The following RPAP2 variants were observed in gnomAD, a reference collection of about 807,000 sequenced individuals.
RPAP2 encodes the protein putative RNA polymerase II subunit B1 CTD phosphatase RPAP2.
A neutral mutation model predicts 73.1 loss-of-function variants in RPAP2; 52 were observed. The observed-to-expected ratio is 0.71, with a 90% CI of 0.57 to 0.90. RPAP2 has a LOEUF of 0.90. Ranked by LOEUF, RPAP2 falls within the 40% of genes least tolerant of loss-of-function variation. RPAP2 has a pLI of 0.00. For missense variants in RPAP2, 598 were observed against 701.8 expected, an observed-to-expected ratio of 0.85 and a Z score of 1.67; for synonymous variants, 225 against 242.1, an observed-to-expected ratio of 0.93 and a Z score of 0.65.
intron 10 of RPAP2, among the ~76,000 whole-genome samples, chr1:92,337,811 C>G (rs963379835): frequency 6.6e-6 from 1 of 152,074 alleles, no homozygotes; most frequent in African/African-American, 2.4e-5. Flanking sequence ...AATTCCCCAA[C>G]AGAAATTTAA....
Position 92,351,751 on chromosome 1 carries a change from G to A in RPAP2, c.1688+5837G>A, listed in dbSNP as rs576051457. On this transcript the variant is annotated intron_variant, in intron 11 of 12. Transcript: ENST00000610020. ...ATAGAAGGCTATCGAGAAGCAGCTT[G>A]ACTGGCCCGAGTTCCTTTATGTGCA... is the stretch of plus-strand genomic sequence containing the variant. Among the ~76,000 whole-genome samples the A allele has an allele frequency of 3.9e-5, 6 of 152,318 alleles. No homozygotes were observed. The East Asian group carries it at 9.6e-4, about 24-fold the overall frequency.
chr1:92,358,369 C>T (rs186687442), intron 11 of RPAP2, among the ~76,000 whole-genome samples: 1 of 152,230 alleles, frequency 6.6e-6, no homozygotes, highest in East Asian at 1.9e-4. Context: ...TGGTTAATTC[C>T]TCTTCATCTT....
At position 92,395,400 on chromosome 1, in the gene RPAP2, C is replaced by T. The variant is rs751597387; in HGVS notation, c.*8389C>T. 6.6e-6 allele frequency: 1 copy of T among 151,996 alleles called. No homozygotes were observed. Among genetic ancestry groups the T allele is most frequent in the African/African-American group, 2.4e-5 (1 of 41,386 alleles). The allele number at this position is 151,996 out of a possible 1,614,324, so 9.4% of individuals were successfully genotyped here. A position where few individuals can be genotyped will look rare whatever the true frequency, so the allele number is the denominator to read the frequency against. On this transcript the variant is annotated 3_prime_UTR_variant, in exon 13 of 13. Transcript: ENST00000610020. ...TCTGAAATCCCTGCACTTTCGGAAG[C>T]CAAGGAGGGTGGACCACTTGAGCTC... is the stretch of plus-strand genomic sequence containing the variant.
At chr1:92,376,967 T>C (rs567553701) in intron 11 of RPAP2, among the ~76,000 whole-genome samples, 16 of 152,168 alleles carry the variant, frequency 1.1e-4, no homozygotes, top group Non-Finnish European at 1.9e-4. Flanking sequence ...TCTCTGTACA[T>C]TTAAAGGAGA....
At chr1:92,350,592 T>C (rs1230841084) in intron 11 of RPAP2, among the ~76,000 whole-genome samples, 1 of 152,224 alleles carries the variant, frequency 6.6e-6, no homozygotes, top group Non-Finnish European at 1.5e-5. Context: ...TTAGGCTCTT[T>C]CCACAATCTT....
At chr1:92,321,855 T>C (rs1243352412) in intron 7 of RPAP2, among the ~76,000 whole-genome samples, 1 of 152,058 alleles carries the variant, frequency 6.6e-6, no homozygotes, top group Non-Finnish European at 1.5e-5. Flanking sequence ...TGTTTACCCA[T>C]TTATTTTTAT....
chr1:92,363,806 CA>C (rs771948489), intron 11 of RPAP2: 4 of 273,528 alleles, frequency 1.5e-5, no homozygotes, highest in South Asian at 3.9e-5. Flanking sequence ...ATTTGCTTAA[CA>C]TTTTTTTTCC....
chr1:92,372,463 A>G (rs1655195033), intron 11 of RPAP2, among the ~76,000 whole-genome samples: 1 of 152,224 alleles, frequency 6.6e-6, no homozygotes, highest in East Asian at 1.9e-4. Flanking sequence ...AGAGAATTTC[A>G]GTAACAAGTG....
At chr1:92,383,192 T>C (rs1304001881) in intron 12 of RPAP2, among the ~76,000 whole-genome samples, 1 of 152,136 alleles carries the variant, frequency 6.6e-6, no homozygotes, top group African/African-American at 2.4e-5. Flanking sequence ...TAGTTTGAAG[T>C]CAGGTAGCGT....
At chr1:92,374,771 A>G (rs1246049055) in intron 11 of RPAP2, among the ~76,000 whole-genome samples, 1 of 152,198 alleles carries the variant, frequency 6.6e-6, no homozygotes, top group Admixed American at 6.5e-5. Flanking sequence ...AGACTGGAAA[A>G]GCATGCAGGT....
intron 6 of RPAP2, among the ~76,000 whole-genome samples, chr1:92,311,254 TC>T (rs1338740357): frequency 2.6e-5 from 4 of 152,332 alleles, no homozygotes; most frequent in African/African-American, 9.6e-5. Context: ...GCATTCAACT[TC>T]CGAGTTCCCT....
At chr1:92,370,528 T>C (rs1248566388) in intron 11 of RPAP2, among the ~76,000 whole-genome samples, 2 of 152,178 alleles carry the variant, frequency 1.3e-5, no homozygotes, top group African/African-American at 4.8e-5. Flanking sequence ...ATTTAGATTA[T>C]ATATGAGAAA....
chr1:92,360,129 T>C (rs1011240479), intron 11 of RPAP2, among the ~76,000 whole-genome samples: 7 of 152,244 alleles, frequency 4.6e-5, no homozygotes, highest in African/African-American at 1.7e-4. Context: ...TGCACTGCAG[T>C]GTGCCTCAGA....
At chr1:92,332,927 G>A (rs1056788921) in intron 8 of RPAP2, among the ~76,000 whole-genome samples, 6 of 152,008 alleles carry the variant, frequency 3.9e-5, no homozygotes, top group Non-Finnish European at 8.8e-5. Flanking sequence ...AATGTGGATT[G>A]TTTTCCCCCA....
At chr1:92,339,648 G>A (rs1263362733) in intron 10 of RPAP2, among the ~76,000 whole-genome samples, 1 of 151,314 alleles carries the variant, frequency 6.6e-6, no homozygotes, top group Non-Finnish European at 1.5e-5. Context: ...CTACATCTAA[G>A]GACCTCTTTA....
rs1419635441 is a variant in RPAP2, at chr1:92,396,529, A to G, written c.*9518A>G. 6.6e-6 allele frequency: 1 copy of G among 152,158 alleles called. No individual in the cohort carries two copies. Among genetic ancestry groups the G allele is most frequent in the Non-Finnish European group, 1.5e-5 (1 of 68,032 alleles). 9.4% of individuals were successfully genotyped at this position (152,158 alleles called of 1,614,324 possible). A position where few individuals can be genotyped will look rare whatever the true frequency, so the allele number is the denominator to read the frequency against. ...AGGCATATACTAAATTAGCAGTTGC[A>G]TGGGTCTGATGTGAAAACATGGATT... is the stretch of plus-strand genomic sequence containing the variant. On this transcript the variant is annotated 3_prime_UTR_variant, in exon 13 of 13. Transcript: ENST00000610020.
At chr1:92,352,138 T>C (rs1407447061) in intron 11 of RPAP2, among the ~76,000 whole-genome samples, 2 of 152,244 alleles carry the variant, frequency 1.3e-5, no homozygotes, top group African/African-American at 4.8e-5. Flanking sequence ...AAATGTCTGC[T>C]TTCATTTTAT....
In RPAP2 at chr1:92,346,782, C is replaced by G. The variant is rs1211037985; in HGVS notation, c.1688+868C>G. Among the ~76,000 whole-genome samples the G allele has an allele frequency of 2.0e-5, 3 of 152,088 alleles. No individual in the cohort carries two copies. The East Asian group carries it at 5.8e-4, about 29-fold the overall frequency. ...ACTAGTGGTTTCTAAGGCTATTTATCAATAGGGTTAAAACTATTCAATAAG... is the reference window on the plus strand; with the variant it reads ...ACTAGTGGTTTCTAAGGCTATTTATGAATAGGGTTAAAACTATTCAATAAG... On this transcript the variant is annotated intron_variant, in intron 11 of 12. Coordinates refer to ENST00000610020, the MANE Select transcript of RPAP2 (RefSeq NM_024813.3).
At chr1:92,341,278 G>T (rs1345527474) in intron 10 of RPAP2, among the ~76,000 whole-genome samples, 1 of 152,066 alleles carries the variant, frequency 6.6e-6, no homozygotes, top group Non-Finnish European at 1.5e-5. Context: ...CAAAGTGCTG[G>T]TATTACAGGC....
Sources: gnomAD v4.1 joint callset for allele counts (sites outside exome capture counted in the v4.1 genomes callset) on GRCh38, gnomAD v4.1.1 for gene constraint, MANE v1.5 for transcripts, NCBI Gene and HGNC (gene_info 2026-07-23, HGNC 2026-07-21) for gene names.